Variants in MPZL1 observed in about 807,000 individuals in gnomAD.
The protein encoded by MPZL1 is myelin protein zero-like protein 1.
MPZL1 carries 16 observed loss-of-function variants against 29.3 expected under a neutral mutation model. The ratio of observed to expected loss-of-function variants is 0.55; its 90% CI spans 0.37 to 0.83. MPZL1 has a LOEUF of 0.83. Ranked by LOEUF, MPZL1 falls within the 40% of genes least tolerant of loss-of-function variation. The pLI is 0.00. For synonymous variants in MPZL1, 143 were observed against 132.0 expected, an observed-to-expected ratio of 1.08 and a Z score of -0.57; for missense variants, 279 against 332.9, an observed-to-expected ratio of 0.84 and a Z score of 1.26.
chr1:167,725,633 A>G lies in MPZL1; in HGVS notation c.91+3391A>G, dbSNP rs572983606. Among the ~76,000 whole-genome samples, 11 of 152,134 alleles carry G rather than the reference A, an allele frequency of 7.2e-5. No individual in the cohort carries two copies. In the South Asian group the frequency reaches 2.1e-3, roughly 29 times the overall value. ...CCCGAGTAGCTGGGACTACAGGCGC[A>G]TGCCACCATGCCCAGCTAATTTTTG... On this transcript the variant is annotated intron_variant, in intron 1 of 5. Coordinates refer to ENST00000359523, the MANE Select transcript of MPZL1 (RefSeq NM_003953.6).
At chr1:167,725,633 A>T (rs572983606) in intron 1 of MPZL1, among the ~76,000 whole-genome samples, 1 of 152,016 alleles carries the variant, frequency 6.6e-6, no homozygotes, top group African/African-American at 2.4e-5. Context: ...CTACAGGCGC[A>T]TGCCACCATG....
intron 5 of MPZL1, among the ~76,000 whole-genome samples, chr1:167,782,769 G>A (rs1046576986): frequency 6.6e-6 from 1 of 152,110 alleles, no homozygotes; most frequent in Non-Finnish European, 1.5e-5. Flanking sequence ...AGAAGAGGGA[G>A]GCAGAAGGGT....
intron 1 of MPZL1, among the ~76,000 whole-genome samples, chr1:167,723,102 T>G (rs1217526127): frequency 6.6e-6 from 1 of 152,260 alleles, no homozygotes; most frequent in Non-Finnish European, 1.5e-5. Context: ...GCCACAGGAC[T>G]TTTCTGTGTT....
intron 5 of MPZL1, among the ~76,000 whole-genome samples, chr1:167,782,849 T>C (rs189626024): frequency 6.6e-6 from 1 of 152,182 alleles, no homozygotes; most frequent in East Asian, 1.9e-4. Context: ...AGCCAAGAAA[T>C]ACAGGCAGCT....
At chr1:167,782,484 A>G (rs1294256223) in intron 5 of MPZL1, among the ~76,000 whole-genome samples, 3 of 152,200 alleles carry the variant, frequency 2.0e-5, no homozygotes, top group Non-Finnish European at 4.4e-5. Flanking sequence ...CATTTAAAAT[A>G]TATTTACTCA....
intron 5 of MPZL1, among the ~76,000 whole-genome samples, chr1:167,783,954 C>T (rs746487055): frequency 2.8e-4 from 42 of 152,238 alleles, no homozygotes; most frequent in Non-Finnish European, 5.9e-4. Flanking sequence ...TTGGGGATGA[C>T]TCCTCTAACA....
intron 1 of MPZL1, among the ~76,000 whole-genome samples, chr1:167,741,162 A>G (rs1660513981): frequency 2.0e-5 from 3 of 149,888 alleles, no homozygotes; most frequent in Admixed American, 2.0e-4. Flanking sequence ...GACTGTAGGC[A>G]TGTGCCACCA....
At position 167,737,898 on chromosome 1, in the gene MPZL1, A is replaced by T. The variant is rs543444837; in HGVS notation, c.91+15656A>T. Among the ~76,000 whole-genome samples the T allele has an allele frequency of 3.3e-5, 5 of 151,764 alleles. No homozygotes were observed. In the South Asian group the frequency reaches 1.0e-3, roughly 32 times the overall value. Reference sequence around the variant, plus strand: ...AGAGAACCAATATCATCCATTGAGTACTGAGATTTCTTGTGTTTTTTTGTT... The same window carrying T: ...AGAGAACCAATATCATCCATTGAGTTCTGAGATTTCTTGTGTTTTTTTGTT... On this transcript the variant is annotated intron_variant, in intron 1 of 5. Coordinates refer to ENST00000359523, the MANE Select transcript of MPZL1 (RefSeq NM_003953.6).
intron 5 of MPZL1, among the ~76,000 whole-genome samples, chr1:167,786,172 G>A (rs1427953275): frequency 6.6e-6 from 1 of 151,794 alleles, no homozygotes; most frequent in Non-Finnish European, 1.5e-5. Flanking sequence ...GAATATAGAG[G>A]GTCTGTATGA....
At chr1:167,761,810 T>C (rs1558119129) in intron 1 of MPZL1, among the ~76,000 whole-genome samples, 2 of 152,070 alleles carry the variant, frequency 1.3e-5, no homozygotes. Context: ...GGATAGAGAA[T>C]TGAATTTAAC....
intron 1 of MPZL1, among the ~76,000 whole-genome samples, chr1:167,725,466 A>G (rs772216124): frequency 6.6e-6 from 1 of 151,560 alleles, no homozygotes; most frequent in Non-Finnish European, 1.5e-5. Flanking sequence ...TGATTTTTCT[A>G]TTTATTTTTA....
At chr1:167,728,675 A>G (rs749546882) in intron 1 of MPZL1, among the ~76,000 whole-genome samples, 1 of 152,166 alleles carries the variant, frequency 6.6e-6, no homozygotes, top group Non-Finnish European at 1.5e-5. Flanking sequence ...ATACCTTATG[A>G]TACCTCTGAT....
chr1:167,736,505 T>A (rs918928279), intron 1 of MPZL1, among the ~76,000 whole-genome samples: 1 of 152,130 alleles, frequency 6.6e-6, no homozygotes, highest in African/African-American at 2.4e-5. Context: ...AAACTGTGCT[T>A]CCTCCGGCAT....
intron 2 of MPZL1, among the ~76,000 whole-genome samples, chr1:167,766,804 T>G (rs1661124599): frequency 1.3e-5 from 2 of 152,150 alleles, no homozygotes; most frequent in Non-Finnish European, 2.9e-5. Context: ...ACCACACAGG[T>G]TAGAATTGTT....
chr1:167,784,707 CCTTT>C (rs1661558455), intron 5 of MPZL1, among the ~76,000 whole-genome samples: 1 of 152,322 alleles, frequency 6.6e-6, no homozygotes, highest in East Asian at 1.9e-4. Context: ...TTCTCTGCAT[CCTTT>C]CTTTCATCCA....
chr1:167,735,893 A>G (rs897616195), intron 1 of MPZL1, among the ~76,000 whole-genome samples: 6 of 147,684 alleles, frequency 4.1e-5, no homozygotes, highest in African/African-American at 1.3e-4. Context: ...GGAGATCTCA[A>G]ATTGTGGTTT....
At chr1:167,754,099 G>A (rs185033267) in intron 1 of MPZL1, among the ~76,000 whole-genome samples, 8 of 152,152 alleles carry the variant, frequency 5.3e-5, no homozygotes, top group African/African-American at 1.7e-4. Context: ...CTGGGCTCAA[G>A]CAATCCTCCC....
At chr1:167,755,238 C>T (rs1317990406) in intron 1 of MPZL1, among the ~76,000 whole-genome samples, 1 of 152,084 alleles carries the variant, frequency 6.6e-6, no homozygotes, top group Non-Finnish European at 1.5e-5. Flanking sequence ...TTATTGCCAT[C>T]GACCGTAGGC....
intron 2 of MPZL1, among the ~76,000 whole-genome samples, chr1:167,768,003 C>T (rs1382685491): frequency 2.0e-5 from 3 of 151,836 alleles, no homozygotes; most frequent in Non-Finnish European, 2.9e-5. Flanking sequence ...AGCTTTTTGT[C>T]AGCCTTCCTG....
Sources: allele counts gnomAD v4.1 joint callset (sites outside exome capture counted in the v4.1 genomes callset), GRCh38; gene constraint gnomAD v4.1.1; transcripts MANE v1.5; gene names NCBI Gene and HGNC (gene_info 2026-07-23, HGNC 2026-07-21).